ZRSR2: variants seen among roughly 807,000 people sequenced by gnomAD.
ZRSR2 encodes zinc finger CCCH-type, RNA binding motif and serine/arginine rich 2.
A neutral mutation model predicts 39.4 loss-of-function variants in ZRSR2; 3 were observed. That is an observed-to-expected ratio of 0.08 (90% CI 0.03 to 0.20). The LOEUF (loss-of-function observed/expected upper bound fraction) is 0.20. Ranked by LOEUF, ZRSR2 falls within the 10% of genes least tolerant of loss-of-function variation. The probability of loss-of-function intolerance (pLI) is 1.00; values close to 1 mark genes in which losing one functional copy is unlikely to be tolerated. For synonymous variants in ZRSR2, 137 were observed against 136.0 expected (o/e 1.01, Z -0.05); for missense variants, 256 against 391.5 (o/e 0.65, Z 2.92).
chrX:15,793,408 T>A (rs1159841225), intron 2 of ZRSR2, among the ~76,000 whole-genome samples: 2 of 111,634 alleles, frequency 1.8e-5, no homozygotes, highest in East Asian at 5.6e-4. Context: ...CACTGGTCTG[T>A]CAAGATTATG....
rs1157690218 is a variant in ZRSR2, at chrX:15,823,066, A to C, written c.1273A>C (p.Arg425=). ...RERHNSRSRG[R]NRDRSRDRSR... ...GAGGCACAATTCACGAAGCAGAGGAAGAAATAGGGACCGCAGCAGGGACCG... is the reference window on the plus strand; with the variant it reads ...GAGGCACAATTCACGAAGCAGAGGACGAAATAGGGACCGCAGCAGGGACCG... The change falls in exon 11 of 11, where the codon AGA becomes CGA. Residue 425 remains arginine (R), a synonymous_variant. Coordinates refer to ENST00000307771, the MANE Select transcript of ZRSR2 (RefSeq NM_005089.4). 4 of 1,209,650 alleles carry C rather than the reference A, an allele frequency of 3.3e-6. No homozygotes were observed. In the African/African-American group the frequency reaches 5.2e-5, roughly 16 times the overall value.
chrX:15,804,031 G>A (rs1932753589), intron 4 of ZRSR2, 80 bp from the exon 5 acceptor site: 2 of 1,066,823 alleles, frequency 1.9e-6, no homozygotes, highest in Non-Finnish European at 2.4e-6. Context: ...AGTGTTTTAA[G>A]TTTTTCATCT....
chrX:15,790,828 C>T (rs1461133104), intron 1 of ZRSR2, 106 bp from the exon 2 acceptor site: 12 of 805,093 alleles, frequency 1.5e-5, no homozygotes, highest in Admixed American at 1.3e-4. Context: ...AGGTTTCTCT[C>T]CTCAGCACCC....
At chrX:15,821,821 A>G (rs2147291800) in intron 10 of ZRSR2, among the ~76,000 whole-genome samples, 1 of 111,013 alleles carries the variant, frequency 9.0e-6, no homozygotes, top group South Asian at 3.8e-4. Context: ...TGGGGAATTT[A>G]CTGCTTTTAA....
intron 2 of ZRSR2, among the ~76,000 whole-genome samples, chrX:15,796,196 C>T (rs1188471557): frequency 9.0e-6 from 1 of 111,416 alleles, no homozygotes; most frequent in East Asian, 2.8e-4. Flanking sequence ...GCCCGGCCAT[C>T]ATGACTTTTC....
chrX:15,792,047 C>G (rs1932300335), intron 2 of ZRSR2, among the ~76,000 whole-genome samples: 1 of 112,332 alleles, frequency 8.9e-6, no homozygotes, highest in Admixed American at 9.3e-5. Context: ...CTCAAGCAAT[C>G]CTTCCACCTC....
chrX:15,803,977 A>T, intron 4 of ZRSR2, 134 bp from the exon 5 acceptor site: 1 of 989,621 alleles, frequency 1.0e-6, no homozygotes, highest in Non-Finnish European at 1.3e-6. Flanking sequence ...GCCTATCTTG[A>T]ACTTAAAAAA....
At chrX:15,791,287 G>A (rs1285774408) in intron 2 of ZRSR2, among the ~76,000 whole-genome samples, 1 of 112,007 alleles carries the variant, frequency 8.9e-6, no homozygotes, top group Non-Finnish European at 1.9e-5. Context: ...ATGAATTACA[G>A]CAGCTAGCAC....
At chrX:15,797,498 C>T (rs1223581473) in intron 2 of ZRSR2, among the ~76,000 whole-genome samples, 1 of 112,283 alleles carries the variant, frequency 8.9e-6, no homozygotes, top group Non-Finnish European at 1.9e-5. Context: ...GCATGAGCCA[C>T]CACGCCCAGC....
At chrX:15,808,426 A>G (rs1601818501) in intron 6 of ZRSR2, among the ~76,000 whole-genome samples, 155 bp downstream of exon 6, 2 of 111,525 alleles carry the variant, frequency 1.8e-5, no homozygotes, top group East Asian at 5.6e-4. Flanking sequence ...AACAACAACA[A>G]ACTTTATTGA....
chrX:15,799,709 TGTG>T (rs1379458478), intron 2 of ZRSR2, among the ~76,000 whole-genome samples, 160 bp from the exon 3 acceptor site: 1 of 111,760 alleles, frequency 8.9e-6, no homozygotes, highest in African/African-American at 3.3e-5. Flanking sequence ...TTTTGATGCT[TGTG>T]TTGTACCAAA....
At chrX:15,790,715 C>G (rs1932243707) in intron 1 of ZRSR2, 179 bp downstream of exon 1, 7 of 691,456 alleles carry the variant, frequency 1.0e-5, no homozygotes, top group Non-Finnish European at 1.5e-5. Flanking sequence ...GTGGCTCAGG[C>G]AAGCGAGGAG....
rs970141878 is a variant in ZRSR2, at chrX:15,811,876, T to C, written c.557+2558T>C. Among the ~76,000 whole-genome samples, 6 of 112,774 alleles carry C rather than the reference T, an allele frequency of 5.3e-5. No individual in the cohort carries two copies. In the Admixed American group the frequency reaches 5.6e-4, roughly 11 times the overall value. ...CTCCTCAAGTCATTTCAAGGAAATA[T>C]GGACAGTGGTCAAATTAGTTTGCGA... On this transcript the variant is annotated intron_variant, in intron 7 of 10. Coordinates refer to ENST00000307771, the MANE Select transcript of ZRSR2 (RefSeq NM_005089.4).
chrX:15,820,272 A>G lies in ZRSR2; in HGVS notation c.893A>G (p.Gln298Arg). ...NGRWYAGRQLQCEFCPVTRWK... is the reference protein window; with the variant it reads ...NGRWYAGRQLRCEFCPVTRWK... ...CGATGGTATGCAGGACGACAGCTGCAGTGTGAATTCTGCCCCGTGACCCGG... is the reference window on the plus strand; with the variant it reads ...CGATGGTATGCAGGACGACAGCTGCGGTGTGAATTCTGCCCCGTGACCCGG... The change falls in exon 10 of 11, where the codon CAG becomes CGG. Residue 298 changes from glutamine to arginine, a missense_variant. Physicochemically the swap from Gln to Arg is conservative, Grantham distance 43 (BLOSUM62 1). Around this residue, in one of 3 missense-constraint regions of ZRSR2, gnomAD observed 58 missense variants for 163.1 expected, o/e 0.36. Transcript: ENST00000307771. The G allele has an allele frequency of 8.3e-7, 1 of 1,212,092 alleles. No individual in the cohort carries two copies. The highest frequency in any genetic ancestry group is 1.8e-5 in the South Asian group (1 of 57,002).
chrX:15,813,710 T>C (rs2147287788), intron 7 of ZRSR2, among the ~76,000 whole-genome samples: 1 of 112,251 alleles, frequency 8.9e-6, no homozygotes, highest in African/African-American at 3.2e-5. Flanking sequence ...ATTCTCTGCA[T>C]GCTTCATACT....
At chrX:15,804,077 C>T (rs776564167) in intron 4 of ZRSR2, 34 bp from the exon 5 acceptor site, 40 of 1,132,478 alleles carry the variant, frequency 3.5e-5, no homozygotes, top group Non-Finnish European at 4.3e-5. Context: ...TAAAAAGTGA[C>T]TGAAACAAAG....
At chrX:15,809,618 A>G (rs1179954566) in intron 7 of ZRSR2, among the ~76,000 whole-genome samples, 1 of 112,036 alleles carries the variant, frequency 8.9e-6, no homozygotes, top group East Asian at 2.8e-4. Flanking sequence ...GCATTAGTCC[A>G]TGGTGGACAA....
intron 3 of ZRSR2, chrX:15,801,199 C>T (rs1030709908): frequency 7.2e-6 from 1 of 138,709 alleles, no homozygotes; most frequent in African/African-American, 3.2e-5. Context: ...ACACCTTTCT[C>T]TTTTGGGATA....
At chrX:15,809,159 G>A (rs1932842517) in intron 6 of ZRSR2, 41 bp from the exon 7 acceptor site, 2 of 939,524 alleles carry the variant, frequency 2.1e-6, no homozygotes, top group South Asian at 2.0e-5. Context: ...GTCTTTCATG[G>A]GTTTTTACTC....
Sources: gnomAD v4.1 joint callset for allele counts (sites outside exome capture counted in the v4.1 genomes callset) on GRCh38, gnomAD v4.1.1 for gene constraint, gnomAD v4.1.1 regional missense constraint, MANE v1.5 for transcripts, NCBI Gene and HGNC (gene_info 2026-07-23, HGNC 2026-07-21) for gene names.